Variants in FDFT1 observed in about 807,000 individuals in gnomAD.
The protein encoded by FDFT1 is squalene synthase.
A neutral mutation model predicts 46.8 loss-of-function variants in FDFT1; 68 were observed. The ratio of observed to expected loss-of-function variants is 1.45; its 90% CI spans 1.19 to 1.78. The LOEUF (loss-of-function observed/expected upper bound fraction) is 1.78, where lower values mean the gene tolerates loss of function less well. FDFT1 is among the 40% of genes most tolerant of loss of function. FDFT1 has a pLI of 0.00. For missense variants in FDFT1, 928 were observed against 524.4 expected, an observed-to-expected ratio of 1.77 and a Z score of -7.52; for synonymous variants, 351 against 185.1, an observed-to-expected ratio of 1.90 and a Z score of -7.28.
At chr8:11,802,340 G>T (rs1045073978), upstream of FDFT1, 73 of 418,292 alleles carry the variant, frequency 1.7e-4, 1 homozygote, top group Admixed American at 3.1e-4. Context: ...TTGACCAAGT[G>T]GGGAGGAAGC....
intron 3 of FDFT1, among the ~76,000 whole-genome samples, chr8:11,810,520 A>G (rs1457789517): frequency 6.6e-6 from 1 of 152,220 alleles, no homozygotes; most frequent in Non-Finnish European, 1.5e-5. Flanking sequence ...AATTTCGCAC[A>G]TATAAAGTAC....
intron 6 of FDFT1, among the ~76,000 whole-genome samples, chr8:11,831,195 C>T (rs1810729157): frequency 6.6e-6 from 1 of 152,162 alleles, no homozygotes; most frequent in African/African-American, 2.4e-5. Flanking sequence ...ATACATATTT[C>T]CGATCCGATA....
At chr8:11,814,893 A>G (rs902855180) in intron 3 of FDFT1, among the ~76,000 whole-genome samples, 61 of 152,056 alleles carry the variant, frequency 4.0e-4, no homozygotes, top group Non-Finnish European at 2.4e-4. Context: ...TTATACTTTA[A>G]GTTCTAGGGT....
At chr8:11,834,627 T>A (rs1399863972) in intron 7 of FDFT1, among the ~76,000 whole-genome samples, 1 of 152,164 alleles carries the variant, frequency 6.6e-6, no homozygotes, top group Non-Finnish European at 1.5e-5. Context: ...TTTTCCCAAA[T>A]GATGTTTTTG....
chr8:11,827,972 T>G (rs1203856240), intron 5 of FDFT1, among the ~76,000 whole-genome samples: 1 of 151,744 alleles, frequency 6.6e-6, no homozygotes, highest in Non-Finnish European at 1.5e-5. Context: ...GAAGCCCAGG[T>G]GAGTGGATCA....
At chr8:11,810,234 C>A (rs540263498) in intron 3 of FDFT1, among the ~76,000 whole-genome samples, 3 of 152,304 alleles carry the variant, frequency 2.0e-5, no homozygotes, top group African/African-American at 7.2e-5. Context: ...TGTGGGAAGA[C>A]GCAGTCAAAT....
At chr8:11,804,843 A>G (rs1806618242) in intron 1 of FDFT1, among the ~76,000 whole-genome samples, 1 of 151,404 alleles carries the variant, frequency 6.6e-6, no homozygotes, top group Non-Finnish European at 1.5e-5. Context: ...TCTTGACCTC[A>G]AGTGATCTGC....
At position 11,839,182 on chromosome 8, in the gene FDFT1, A is replaced by G. The variant is rs1811986282; in HGVS notation, c.*573A>G. 6.5e-6 allele frequency: 1 copy of G among 154,090 alleles called. No individual in the cohort carries two copies. 9.5% of individuals were successfully genotyped at this position (154,090 alleles called of 1,614,324 possible). ...TGGGTATTCTCGTATTCTCATTTAA[A>G]GGAGTTTAGCTTTCAGAGAGAAACA... On this transcript the variant is annotated 3_prime_UTR_variant, in exon 8 of 8. Transcript: ENST00000220584.
chr8:11,804,407 T>A (rs780273781), intron 1 of FDFT1, among the ~76,000 whole-genome samples: 10 of 152,128 alleles, frequency 6.6e-5, no homozygotes, highest in Non-Finnish European at 1.0e-4. Flanking sequence ...TTTGTACATT[T>A]TGAGTTTTTT....
At chr8:11,817,652 T>C (rs1297290796) in intron 3 of FDFT1, among the ~76,000 whole-genome samples, 2 of 152,228 alleles carry the variant, frequency 1.3e-5, no homozygotes, top group Non-Finnish European at 2.9e-5. Flanking sequence ...CTTATTTGCA[T>C]AGAGGTGTTG....
chr8:11,826,078 G>T lies in FDFT1; in HGVS notation c.565G>T (p.Ala189Ser), dbSNP rs1445432251. Residue 189 changes from alanine to serine, a missense_variant, in exon 5 of 8, where the codon GCC becomes TCC. Ala to Ser is a moderately conservative substitution (Grantham distance 99). Coordinates refer to ENST00000220584, the MANE Select transcript of FDFT1 (RefSeq NM_004462.5). ...AATTGGCCTTTCCCGTCTTTTCTCA[G>T]CCTCAGAGTTTGAAGACCCCTTAGT... ...VGIGLSRLFS[A>S]SEFEDPLVGE... 6 of 1,608,380 alleles carry T rather than the reference G, an allele frequency of 3.7e-6. No individual in the cohort carries two copies. The highest frequency in any genetic ancestry group is 1.1e-5 in the South Asian group (1 of 90,716).
intron 1 of FDFT1, 71 bp downstream of exon 1, chr8:11,803,002 C>G: frequency 6.5e-7 from 1 of 1,535,588 alleles, no homozygotes; most frequent in Non-Finnish European, 8.8e-7. Context: ...GCCTGAGCGG[C>G]CGGGCCCGGA....
At chr8:11,810,042 T>TTAG (rs1407637543) in intron 3 of FDFT1, 192 bp downstream of exon 3, 5 of 543,490 alleles carry the variant, frequency 9.2e-6, no homozygotes, top group African/African-American at 7.6e-5. Context: ...AATCTCCCAC[T>TTAG]TACTAAACTG....
exon 1 of FDFT1, chr8:11,795,864 A>G (rs1250537619): frequency 6.5e-6 from 1 of 152,800 alleles, no homozygotes; most frequent in Non-Finnish European, 1.5e-5. Context: ...AACTCCGAAC[A>G]CATCTGAACA....
chr8:11,811,437 T>C (rs1034215847), intron 3 of FDFT1, among the ~76,000 whole-genome samples: 1 of 152,212 alleles, frequency 6.6e-6, no homozygotes, highest in Non-Finnish European at 1.5e-5. Context: ...GATAAATGTG[T>C]TAGGTATTGC....
upstream of FDFT1, among the ~76,000 whole-genome samples, chr8:11,801,470 C>T (rs557808760): frequency 1.3e-5 from 2 of 152,198 alleles, no homozygotes; most frequent in Non-Finnish European, 2.9e-5. Flanking sequence ...TAGGCGCCTG[C>T]CACCATGCCT....
At chr8:11,798,000 C>T (rs1010934927), upstream of FDFT1, 3 of 152,248 alleles carry the variant, frequency 2.0e-5, no homozygotes, top group Admixed American at 6.5e-5. Flanking sequence ...GCTTGATTTC[C>T]TTTAAATCAA....
At chr8:11,814,117 C>G (rs1368137734) in intron 3 of FDFT1, among the ~76,000 whole-genome samples, 1 of 152,162 alleles carries the variant, frequency 6.6e-6, no homozygotes, top group East Asian at 1.9e-4. Flanking sequence ...TAGAACTGGT[C>G]TAACCAAGGA....
Position 11,824,143 on chromosome 8 carries a change from G to A in FDFT1, c.511-1881G>A, listed in dbSNP as rs117188460. Among the ~76,000 whole-genome samples the A allele has an allele frequency of 5.2e-3, 791 of 152,250 alleles. 9 individuals are homozygous for A. The highest frequency in any genetic ancestry group is 8.1e-3 in the Admixed American group (124 of 15,296). Reference sequence around the variant, plus strand: ...CTCCCAAAATTCCGGGATTACAGGCGTGAACTTCGGTCATTTCCTAACTTT... The same window carrying A: ...CTCCCAAAATTCCGGGATTACAGGCATGAACTTCGGTCATTTCCTAACTTT... On this transcript the variant is annotated intron_variant, in intron 4 of 7. Transcript: ENST00000220584.
Sources: allele counts gnomAD v4.1 joint callset (sites outside exome capture counted in the v4.1 genomes callset), GRCh38; gene constraint gnomAD v4.1.1; transcripts MANE v1.5; gene names NCBI Gene and HGNC (gene_info 2026-07-23, HGNC 2026-07-21).